The following KIAA0040 variants were observed in gnomAD, a reference collection of about 807,000 sequenced individuals.
KIAA0040 encodes uncharacterized protein KIAA0040.
In KIAA0040, 10 loss-of-function variants were observed where a neutral mutation model predicts 7.2. That is an observed-to-expected ratio of 1.38 (90% CI 0.85 to 2.34). The LOEUF (loss-of-function observed/expected upper bound fraction) is 2.34. KIAA0040 is among the 30% of genes most tolerant of loss of function. KIAA0040 has a pLI of 0.00. For synonymous variants in KIAA0040, 49 were observed against 40.1 expected (o/e 1.22, Z -0.84); for missense variants, 89 against 108.2 (o/e 0.82, Z 0.79).
At chr1:175,178,217 G>T (rs949001069) in intron 1 of KIAA0040, among the ~76,000 whole-genome samples, 14 of 152,200 alleles carry the variant, frequency 9.2e-5, no homozygotes, top group South Asian at 2.1e-4. Flanking sequence ...CCAAGGGCTA[G>T]CGGGCCATGT....
At position 175,158,779 on chromosome 1, in the gene KIAA0040, T is replaced by C. The variant is rs1047811765; in HGVS notation, c.*1935A>G. On this transcript the variant is annotated 3_prime_UTR_variant, in exon 4 of 4. Coordinates refer to ENST00000423313, the MANE Select transcript of KIAA0040 (RefSeq NM_014656.3). ...AGTGCTTAGGCAGTTTATGGCCATATAGGGTGAGAGGGCAAATGTGACTGG... is the reference window on the plus strand; with the variant it reads ...AGTGCTTAGGCAGTTTATGGCCATACAGGGTGAGAGGGCAAATGTGACTGG... 6.6e-6 allele frequency: 1 copy of C among 152,152 alleles called. No homozygotes were observed. Among genetic ancestry groups the C allele is most frequent in the Non-Finnish European group, 1.5e-5 (1 of 68,010 alleles). 9.4% of individuals were successfully genotyped at this position (152,152 alleles called of 1,614,324 possible). A position where few individuals can be genotyped will look rare whatever the true frequency, so the allele number is the denominator to read the frequency against.
intron 1 of KIAA0040, among the ~76,000 whole-genome samples, chr1:175,186,040 C>A (rs1677646976): frequency 1.3e-5 from 2 of 152,002 alleles, no homozygotes; most frequent in African/African-American, 2.4e-5. Flanking sequence ...GAAGAGGGAA[C>A]AAGAAGAAGA....
At chr1:175,185,906 A>C (rs927246648) in intron 1 of KIAA0040, among the ~76,000 whole-genome samples, 3 of 152,242 alleles carry the variant, frequency 2.0e-5, no homozygotes, top group African/African-American at 7.2e-5. Flanking sequence ...CAACCCTGAA[A>C]ACACATTAAG....
intron 2 of KIAA0040, among the ~76,000 whole-genome samples, chr1:175,173,662 A>G (rs1239282867): frequency 6.6e-6 from 1 of 152,216 alleles, no homozygotes; most frequent in Non-Finnish European, 1.5e-5. Context: ...CTATTCATCT[A>G]TCAACATGTA....
At chr1:175,184,141 G>A (rs1357971288) in intron 1 of KIAA0040, among the ~76,000 whole-genome samples, 1 of 152,202 alleles carries the variant, frequency 6.6e-6, no homozygotes, top group Non-Finnish European at 1.5e-5. Context: ...ACCAACTGGA[G>A]AGAGTCTAGA....
chr1:175,187,345 C>G (rs1321837353), intron 1 of KIAA0040, among the ~76,000 whole-genome samples: 2 of 152,044 alleles, frequency 1.3e-5, no homozygotes, highest in Non-Finnish European at 2.9e-5. Flanking sequence ...TCACTTTGAC[C>G]CCAGCATTAG....
At chr1:175,180,807 G>C (rs1374013671) in intron 1 of KIAA0040, among the ~76,000 whole-genome samples, 1 of 152,116 alleles carries the variant, frequency 6.6e-6, no homozygotes, top group Non-Finnish European at 1.5e-5. Context: ...TACCCTTGTT[G>C]GAAAGCCCTG....
Position 175,161,003 on chromosome 1 carries a change from A to T in KIAA0040, c.11T>A (p.Ile4Asn). 1 of 1,550,654 alleles carries T rather than the reference A, an allele frequency of 6.4e-7. No individual in the cohort carries two copies. The highest frequency in any genetic ancestry group is 1.4e-5 in the African/African-American group (1 of 73,114). The change falls in exon 4 of 4, where the codon ATC (isoleucine) becomes AAC (asparagine). Residue 4 changes from isoleucine to asparagine, a missense_variant. Ile to Asn is a moderately radical substitution (Grantham distance 149). Transcript: ENST00000423313. ...CCAGATAGAGCTGAAGAAGGCACTG[A>T]TTCTCTCCATGGTGCTTGGCTAGAT... MER[I>N]SAFFSSIWDT...
chr1:175,161,105 T>G lies in KIAA0040; in HGVS notation c.-92A>C. On this transcript the variant is annotated 5_prime_UTR_variant, in exon 4 of 4. Transcript: ENST00000423313. Reference sequence around the variant, plus strand: ...TGCAACCTTGACCACTTGTAATTTATTCCTCTTCCAGCTTTGGGTTTGGGC... The same window carrying G: ...TGCAACCTTGACCACTTGTAATTTAGTCCTCTTCCAGCTTTGGGTTTGGGC... 2.4e-6 allele frequency: 3 copies of G among 1,232,440 alleles called. No homozygotes were observed. Among genetic ancestry groups the G allele is most frequent in the Non-Finnish European group, 3.3e-6 (3 of 898,882 alleles). The allele number at this position is 1,232,440 out of a possible 1,614,324, so 76.3% of individuals were successfully genotyped here.
chr1:175,188,748 C>T (rs916773799), intron 1 of KIAA0040, among the ~76,000 whole-genome samples: 2 of 152,148 alleles, frequency 1.3e-5, no homozygotes, highest in East Asian at 1.9e-4. Flanking sequence ...ACAGAAGAGA[C>T]GAGGGTGGTA....
chr1:175,176,669 CTTTTTTTTTTTTTTTTT>C lies in KIAA0040; in HGVS notation c.-310+925_-310+941del, dbSNP rs34859478. Among the ~76,000 whole-genome samples the C allele has an allele frequency of 4.0e-4, 11 of 27,470 alleles. No individual in the cohort carries two copies. In the Admixed American group the frequency reaches 6.2e-3, roughly 15 times the overall value. The allele number at this position is 27,470 out of a possible 152,430, so 18.0% of individuals were successfully genotyped here. A position where few individuals can be genotyped will look rare whatever the true frequency, so the allele number is the denominator to read the frequency against. ...ATCCAGTGTCAGGTTAAGTAGCATG[CTTTTTTTTTTTTTTTTT>C]TTTTTTTTTTTTTTGCTTCAGCACC... On this transcript the variant is annotated intron_variant, in intron 2 of 3. Coordinates refer to ENST00000423313, the MANE Select transcript of KIAA0040 (RefSeq NM_014656.3).
At position 175,161,101 on chromosome 1, in the gene KIAA0040, T is replaced by C. The variant is rs1289154983; in HGVS notation, c.-88A>G. The C allele has an allele frequency of 8.0e-7, 1 of 1,247,776 alleles. No homozygotes were observed. The highest frequency in any genetic ancestry group is 1.1e-6 in the Non-Finnish European group (1 of 912,392). The allele number at this position is 1,247,776 out of a possible 1,614,324, so 77.3% of individuals were successfully genotyped here. On this transcript the variant is annotated 5_prime_UTR_variant, in exon 4 of 4. Coordinates refer to ENST00000423313, the MANE Select transcript of KIAA0040 (RefSeq NM_014656.3). Reference sequence around the variant, plus strand: ...AGGATGCAACCTTGACCACTTGTAATTTATTCCTCTTCCAGCTTTGGGTTT... The same window carrying C: ...AGGATGCAACCTTGACCACTTGTAACTTATTCCTCTTCCAGCTTTGGGTTT...
intron 3 of KIAA0040, among the ~76,000 whole-genome samples, chr1:175,162,140 T>G (rs1676568230): frequency 6.6e-6 from 1 of 152,180 alleles, no homozygotes; most frequent in South Asian, 2.1e-4. Flanking sequence ...GTATAAGGTC[T>G]TAGAGGCTGC....
intron 2 of KIAA0040, among the ~76,000 whole-genome samples, 164 bp from the exon 3 acceptor site, chr1:175,166,901 T>C (rs557346123): frequency 6.6e-6 from 1 of 152,284 alleles, no homozygotes; most frequent in Admixed American, 6.5e-5. Flanking sequence ...GACTGGTGTC[T>C]GAGCAGGCAT....
intron 1 of KIAA0040, among the ~76,000 whole-genome samples, chr1:175,189,886 G>A (rs1045310588): frequency 6.6e-6 from 1 of 152,178 alleles, no homozygotes; most frequent in Non-Finnish European, 1.5e-5. Context: ...AAGCAGTTAA[G>A]CCAGGAACTG....
intron 1 of KIAA0040, among the ~76,000 whole-genome samples, chr1:175,185,179 A>G (rs1442245791): frequency 6.6e-6 from 1 of 152,134 alleles, no homozygotes; most frequent in East Asian, 1.9e-4. Context: ...AGTATAATAA[A>G]AATATTCTAA....
intron 3 of KIAA0040, among the ~76,000 whole-genome samples, chr1:175,165,109 C>T (rs927666582): frequency 2.0e-5 from 3 of 152,274 alleles, no homozygotes; most frequent in African/African-American, 7.2e-5. Context: ...ATATTATTTA[C>T]CTCCATATCC....
At chr1:175,163,609 T>C (rs1676634480) in intron 3 of KIAA0040, among the ~76,000 whole-genome samples, 1 of 152,254 alleles carries the variant, frequency 6.6e-6, no homozygotes, top group Admixed American at 6.5e-5. Context: ...TTCTGGATTT[T>C]CCTTCTCCCT....
At position 175,157,857 on chromosome 1, in the gene KIAA0040, A is replaced by ATCATTTTTTG. The variant is rs1200676067; in HGVS notation, c.*2856_*2857insCAAAAAATGA. ...GGTCTAGGAAGCCTCTTCTTTAGGA[A>ATCATTTTTTG]TCATTTTTTTGTCCCCCGTGAACTT... On this transcript the variant is annotated 3_prime_UTR_variant, in exon 4 of 4. Transcript: ENST00000423313. The ATCATTTTTTG allele has an allele frequency of 1.3e-5, 2 of 152,278 alleles. No homozygotes were observed. Among genetic ancestry groups the ATCATTTTTTG allele is most frequent in the Non-Finnish European group, 2.9e-5 (2 of 68,190 alleles). 9.4% of individuals were successfully genotyped at this position (152,278 alleles called of 1,614,324 possible). A position where few individuals can be genotyped will look rare whatever the true frequency, so the allele number is the denominator to read the frequency against.
Sources: gnomAD v4.1 joint callset for allele counts (sites outside exome capture counted in the v4.1 genomes callset) on GRCh38, gnomAD v4.1.1 for gene constraint, MANE v1.5 for transcripts, NCBI Gene and HGNC (gene_info 2026-07-23, HGNC 2026-07-21) for gene names.